DUSP15: variants seen among roughly 807,000 people sequenced by gnomAD.
DUSP15 encodes dual specificity phosphatase 15.
In DUSP15, 23 loss-of-function variants were observed where a neutral mutation model predicts 26.3. That is an observed-to-expected ratio of 0.87 (90% CI 0.63 to 1.24). The LOEUF is 1.24. Among genes scored for constraint, DUSP15 ranks in the 50% most tolerant of loss-of-function variants. The pLI is 0.00. For synonymous variants in DUSP15, 143 were observed against 135.5 expected (o/e 1.06, Z -0.39); for missense variants, 364 against 320.6 (o/e 1.14, Z -1.03).
downstream of DUSP15, chr20:31,845,658 C>T: frequency 3.1e-6 from 4 of 1,299,754 alleles, no homozygotes; most frequent in Non-Finnish European, 4.2e-6. Context: ...GCCTCCCAGC[C>T]TGGAAAGGCA....
At chr20:31,856,276 A>G (rs865889432), downstream of DUSP15, among the ~76,000 whole-genome samples, 9 of 152,208 alleles carry the variant, frequency 5.9e-5, no homozygotes, top group South Asian at 6.2e-4. Context: ...GAGTGGAGAC[A>G]GATGAGGCCA....
Position 31,870,161 on chromosome 20 carries a change from C to G in DUSP15, c.21+156G>C. 8.2e-7 allele frequency: 1 copy of G among 1,224,972 alleles called. No individual in the cohort carries two copies. The highest frequency in any genetic ancestry group is 1.0e-6 in the Non-Finnish European group (1 of 983,118). The allele number at this position is 1,224,972 out of a possible 1,614,324, so 75.9% of individuals were successfully genotyped here. ...ACGCAGGGTCAGAGAGGGGGAGACC[C>G]GACAGCCGCGGTCTCGAGTCACAGG... On this transcript the variant is annotated intron_variant, in intron 1 of 6. Coordinates refer to ENST00000339738, the MANE Select transcript of DUSP15 (RefSeq NM_080611.5). This position sits in a 1 kb window ranked among gnomAD's most constrained non-coding sequence, Gnocchi z 6.6.
chr20:31,870,608 C>A, upstream of DUSP15: 1 of 1,378,390 alleles, frequency 7.3e-7, no homozygotes, highest in South Asian at 1.7e-5. The surrounding 1 kb of genome is among the most constrained non-coding windows in gnomAD (Gnocchi z 6.6). Context: ...CGCCTCGGGT[C>A]GCGGCGGGGG....
chr20:31,852,670 G>A (rs1017533542), intron 6 of DUSP15, among the ~76,000 whole-genome samples: 2 of 152,166 alleles, frequency 1.3e-5, no homozygotes, highest in Admixed American at 6.5e-5. Flanking sequence ...AATTAGCTGG[G>A]CTTGGTGGCA....
At chr20:31,847,184 A>G (rs2062385985), downstream of DUSP15, among the ~76,000 whole-genome samples, 1 of 152,212 alleles carries the variant, frequency 6.6e-6, no homozygotes, top group East Asian at 1.9e-4. Context: ...TCTTTTGAAT[A>G]GATGAGGGCT....
chr20:31,848,553 G>A (rs1568652794), exon 10 of DUSP15: 2 of 1,576,136 alleles, frequency 1.3e-6, no homozygotes. Flanking sequence ...CCAGGCCGAA[G>A]CTGCACCTGC....
Position 31,862,821 on chromosome 20 carries a change from A to T in DUSP15, c.264-79T>A, listed in dbSNP as rs114510294. On this transcript the variant is annotated intron_variant, in intron 5 of 6. Coordinates refer to ENST00000339738, the MANE Select transcript of DUSP15 (RefSeq NM_080611.5). ...CCCCCAGGCACCCCACCCTGCTTCAACTCCCCCACCCTTGCCTCCTGAGCT... is the reference window on the plus strand; with the variant it reads ...CCCCCAGGCACCCCACCCTGCTTCATCTCCCCCACCCTTGCCTCCTGAGCT... 1.6e-3 allele frequency: 2,245 copies of T among 1,409,460 alleles called. 28 individuals carry two copies. The African/African-American group carries it at 0.029, about 18-fold the overall frequency. 87.3% of individuals were successfully genotyped at this position (1,409,460 alleles called of 1,614,324 possible).
In DUSP15 at chr20:31,861,637, G is replaced by A. The variant is rs554191408; in HGVS notation, c.474C>T (p.Pro158=). Residue 158 remains proline, a synonymous_variant, in exon 7 of 7, where the codon CCC becomes CCT. Transcript: ENST00000339738. ...RQLEERFGES[P]FRDEEELRAL... ...CGCGCAACTCCTCCTCGTCGCGGAA[G>A]GGGCTCTCGCCGAAGCGCTCCTCCA... 72 of 1,492,542 alleles carry A rather than the reference G, an allele frequency of 4.8e-5. 1 individual carries two copies. In the African/African-American group the frequency reaches 8.7e-4, roughly 18 times the overall value. The allele number at this position is 1,492,542 out of a possible 1,614,324, so 92.5% of individuals were successfully genotyped here.
chr20:31,861,711 C>CA, intron 6 of DUSP15, 36 bp from the exon 7 acceptor site: 3 of 430,084 alleles, frequency 7.0e-6, no homozygotes, highest in South Asian at 7.0e-5. Flanking sequence ...GGGTCAAGGC[C>CA]GGCGCGGGGC....
At chr20:31,867,718 G>T (rs1185278931) in intron 2 of DUSP15, among the ~76,000 whole-genome samples, 2 of 131,508 alleles carry the variant, frequency 1.5e-5, no homozygotes, top group African/African-American at 5.8e-5. Flanking sequence ...GATCTCGGCT[G>T]ACCACAAGCT....
upstream of DUSP15, chr20:31,870,547 C>T (rs1038265315): frequency 6.9e-6 from 10 of 1,454,546 alleles, no homozygotes; most frequent in South Asian, 1.4e-5. The surrounding 1 kb of genome is among the most constrained non-coding windows in gnomAD (Gnocchi z 6.6). Context: ...GCCGCCGCTG[C>T]CACCGCCGCC....
downstream of DUSP15, among the ~76,000 whole-genome samples, chr20:31,858,628 G>A (rs564310156): frequency 5.9e-5 from 9 of 152,292 alleles, no homozygotes; most frequent in East Asian, 3.9e-4. This position sits in a 1 kb window ranked among gnomAD's most constrained non-coding sequence, Gnocchi z 4.4. Flanking sequence ...TGGGCTCTGC[G>A]GGTCTCAGGA....
downstream of DUSP15, among the ~76,000 whole-genome samples, chr20:31,846,476 G>GA (rs1555791617): frequency 1.7e-3 from 217 of 128,416 alleles, no homozygotes; most frequent in African/African-American, 8.3e-3. Flanking sequence ...GAGAGAGAGA[G>GA]GAGAGAGAGG....
chr20:31,864,089 C>T, intron 4 of DUSP15, 108 bp from the exon 5 acceptor site: 1 of 1,549,398 alleles, frequency 6.5e-7, no homozygotes, highest in South Asian at 1.2e-5. Flanking sequence ...GCCCTGGGGT[C>T]CCCAGGTCAG....
At position 31,861,673 on chromosome 20, in the gene DUSP15, A is replaced by G. The variant is rs1199952924; in HGVS notation, c.438T>C (p.Leu146=). The change falls in exon 7 of 7, where the codon CTT becomes CTC. Residue 146 remains leucine (L), a splice_region_variant and synonymous_variant. Coordinates refer to ENST00000339738, the MANE Select transcript of DUSP15 (RefSeq NM_080611.5). ...CGAAGCGCTCCTCCAGCTGCCGGCG[A>G]AGCTGGGGTGGGCGGGTGAGGTGGG... The part of the protein sequence containing the change: ...EEFGWASSQK[L]RRQLEERFGE... The G allele has an allele frequency of 9.1e-6, 12 of 1,317,460 alleles. 1 individual carries two copies. In the Admixed American group the frequency reaches 3.2e-4, roughly 35 times the overall value. 81.6% of individuals were successfully genotyped at this position (1,317,460 alleles called of 1,614,324 possible).
chr20:31,861,694 G>A lies in DUSP15; in HGVS notation c.436-19C>T, dbSNP rs1288125559. 1.5e-5 allele frequency: 20 copies of A among 1,336,596 alleles called. No homozygotes were observed. The African/African-American group carries it at 1.8e-4, about 12-fold the overall frequency. The allele number at this position is 1,336,596 out of a possible 1,614,324, so 82.8% of individuals were successfully genotyped here. On this transcript the variant is annotated intron_variant, in intron 6 of 6. Coordinates refer to ENST00000339738, the MANE Select transcript of DUSP15 (RefSeq NM_080611.5). ...GGCGAAGCTGGGGTGGGCGGGTGAG[G>A]TGGGCGGGGTCAAGGCCGGCGCGGG...
Position 31,861,687 on chromosome 20 carries a change from G to A in DUSP15, c.436-12C>T. The A allele has an allele frequency of 1.4e-6, 2 of 1,420,634 alleles. No homozygotes were observed. The highest frequency in any genetic ancestry group is 1.8e-6 in the Non-Finnish European group (2 of 1,095,738). 88.0% of individuals were successfully genotyped at this position (1,420,634 alleles called of 1,614,324 possible). On this transcript the variant is annotated splice_polypyrimidine_tract_variant and intron_variant, in intron 6 of 6. Coordinates refer to ENST00000339738, the MANE Select transcript of DUSP15 (RefSeq NM_080611.5). The stretch of plus-strand genomic sequence containing the variant: ...AGCTGCCGGCGAAGCTGGGGTGGGC[G>A]GGTGAGGTGGGCGGGGTCAAGGCCG...
chr20:31,850,776 C>T, intron 6 of DUSP15: 1 of 1,250,622 alleles, frequency 8.0e-7, no homozygotes, highest in Non-Finnish European at 1.1e-6. Flanking sequence ...GTGAGGAGAC[C>T]CAGTCCTTAC....
chr20:31,848,578 G>T (rs781644803), intron 9 of DUSP15: 52 of 1,559,120 alleles, frequency 3.3e-5, no homozygotes, highest in Non-Finnish European at 3.7e-5. Flanking sequence ...GCGGGGGCGG[G>T]TGGGGCGATG....
Sources: allele counts gnomAD v4.1 joint callset (sites outside exome capture counted in the v4.1 genomes callset), GRCh38; gene constraint gnomAD v4.1.1; non-coding constraint Gnocchi (gnomAD v3.1); transcripts MANE v1.5; gene names NCBI Gene and HGNC (gene_info 2026-07-23, HGNC 2026-07-21).